NEB: variants seen among roughly 807,000 people sequenced by gnomAD.
The protein encoded by NEB is nebulin.
Under a neutral mutation model 952.2 loss-of-function variants are expected in NEB, and 512 were observed. The ratio of observed to expected loss-of-function variants is 0.54; its 90% CI spans 0.50 to 0.58. The LOEUF (loss-of-function observed/expected upper bound fraction) is 0.58, where lower values mean the gene tolerates loss of function less well. Ranked by LOEUF, NEB falls within the 20% of genes least tolerant of loss-of-function variation. The pLI, the probability that NEB is intolerant of heterozygous loss-of-function variation, is 0.00. For synonymous variants in NEB, 2,900 were observed against 3,149.8 expected (o/e 0.92, Z 2.66); for missense variants, 8,428 against 9,231.1 (o/e 0.91, Z 3.56).
At chr2:151,733,212 C>G (rs1053318230) in intron 2 of NEB, 27 bp from the exon 3 acceptor site, 36 of 1,437,426 alleles carry the variant, frequency 2.5e-5, no homozygotes, top group Non-Finnish European at 3.4e-5. Flanking sequence ...CAAATGAAAA[C>G]ATATTAGAGT....
intron 138 of NEB, among the ~76,000 whole-genome samples, 191 bp downstream of exon 138, chr2:151,540,153 T>G (rs1028511979): frequency 1.4e-4 from 21 of 152,180 alleles, no homozygotes; most frequent in African/African-American, 4.8e-4. Context: ...AGAATAGGCT[T>G]CTGGTATCTC....
Position 151,567,149 on chromosome 2 carries a change from A to G in NEB, c.18156+19T>C. ...TGTACCATGCGTTTCTAGATAATGA[A>G]GAAACAAAAATCACTTACATCACTC... On this transcript the variant is annotated intron_variant, in intron 114 of 181. Transcript: ENST00000397345. 1 of 1,555,134 alleles carries G rather than the reference A, an allele frequency of 6.4e-7. No individual in the cohort carries two copies. The highest frequency in any genetic ancestry group is 1.4e-5 in the African/African-American group (1 of 73,474).
rs563060192 is a variant in NEB at position 151,568,467 on chromosome 2, G to T, written c.17635-50C>A. ...AGGGGGCAAGTTACTTGTTAAGAAA[G>T]CATCATGTTGTCCAAGCAATTGTTA... On this transcript the variant is annotated intron_variant, in intron 111 of 181. Coordinates refer to ENST00000397345, the MANE Select transcript of NEB (RefSeq NM_001164508.2). 10 of 1,536,814 alleles carry T rather than the reference G, an allele frequency of 6.5e-6. No individual in the cohort carries two copies. The South Asian group carries it at 1.0e-4, about 15-fold the overall frequency.
intron 124 of NEB, among the ~76,000 whole-genome samples, chr2:151,559,432 C>G (rs530788800): frequency 6.6e-6 from 1 of 152,168 alleles, no homozygotes; most frequent in African/African-American, 2.4e-5. Context: ...CCAGCAATCC[C>G]ATTACTGGGT....
rs1459846330 is a variant in NEB at position 151,581,518 on chromosome 2, G to C, written c.16249C>G (p.Leu5417Val). 2.6e-6 allele frequency: 3 copies of C among 1,137,092 alleles called. No homozygotes were observed. The Admixed American group carries it at 7.5e-5, about 29-fold the overall frequency. 70.4% of individuals were successfully genotyped at this position (1,137,092 alleles called of 1,614,324 possible). A position where few individuals can be genotyped will look rare whatever the true frequency, so the allele number is the denominator to read the frequency against. ...VNVPADTPLM[L>V]QSKINALQIS... ...TGCAGGGCATTGATTTTGGATTGCA[G>C]CATCAGGGGAGTGTCAGCTGGCACG... is the stretch of plus-strand genomic sequence containing the variant. The change falls in exon 103 of 182, where the codon CTG becomes GTG. Residue 5417 changes from leucine (L) to valine (V), a missense_variant. Transcript: ENST00000397345.
At chr2:151,506,360 T>A in intron 163 of NEB, 102 bp from the exon 164 acceptor site, 1 of 851,532 alleles carries the variant, frequency 1.2e-6, no homozygotes, top group Non-Finnish European at 1.9e-6. Flanking sequence ...AACAAGACAC[T>A]AGACGATGTT....
intron 159 of NEB, 119 bp from the exon 160 acceptor site, chr2:151,513,812 T>C: frequency 1.4e-6 from 1 of 717,244 alleles, no homozygotes; most frequent in Non-Finnish European, 2.4e-6. Context: ...ATAGTGTCGC[T>C]TGCTACTCTT....
At chr2:151,562,047 A>G (rs1474283254) in intron 121 of NEB, 63 bp downstream of exon 121, 1 of 1,347,706 alleles carries the variant, frequency 7.4e-7, no homozygotes, top group African/African-American at 1.4e-5. Flanking sequence ...CCATCAGCCC[A>G]CTGACACCAC....
intron 13 of NEB, among the ~76,000 whole-genome samples, chr2:151,702,178 G>C (rs1170459135): frequency 4.4e-4 from 66 of 149,112 alleles, no homozygotes; most frequent in African/African-American, 1.6e-3. Context: ...GAGCGGTTTT[G>C]AGTGAGATTC....
intron 36 of NEB, among the ~76,000 whole-genome samples, chr2:151,673,844 G>A (rs550600476): frequency 1.3e-5 from 2 of 149,730 alleles, no homozygotes; most frequent in African/African-American, 2.5e-5. Flanking sequence ...CGCCATTCTC[G>A]GGCCTCAGCC....
intron 46 of NEB, among the ~76,000 whole-genome samples, chr2:151,659,568 T>C (rs902944859): frequency 1.3e-5 from 2 of 152,188 alleles, no homozygotes; most frequent in African/African-American, 4.8e-5. Flanking sequence ...TCCAAAGTGC[T>C]AGTATTACAG....
chr2:151,675,467 A>T, intron 34 of NEB, 76 bp from the exon 35 acceptor site: 1 of 946,392 alleles, frequency 1.1e-6, no homozygotes, highest in East Asian at 2.8e-5. Flanking sequence ...TATTTTTAGC[A>T]CAATCACCCA....
At chr2:151,711,363 G>A (rs1393707255) in intron 10 of NEB, among the ~76,000 whole-genome samples, 1 of 152,166 alleles carries the variant, frequency 6.6e-6, no homozygotes, top group African/African-American at 2.4e-5. Context: ...ATAAAAATGT[G>A]TTAACAGACA....
Position 151,494,233 on chromosome 2 carries a change from C to T in NEB, c.24507G>A (p.Val8169=), listed in dbSNP as rs778385532. The T allele has an allele frequency of 1.9e-6, 3 of 1,601,742 alleles. No individual in the cohort carries two copies. The East Asian group carries it at 6.7e-5, about 36-fold the overall frequency. The change falls in exon 174 of 182, where the codon GTG becomes GTA. Residue 8169 remains valine (V), a synonymous_variant. Coordinates refer to ENST00000397345, the MANE Select transcript of NEB (RefSeq NM_001164508.2). The part of the protein sequence containing the change: ...NISSVLYKEN[V]GKATATPVTP... ...TGACAGGGGTTGCGGTGGCTTTCCCCACATTTTCTTTGTACAAAACCTATG... is the reference window on the plus strand; with the variant it reads ...TGACAGGGGTTGCGGTGGCTTTCCCTACATTTTCTTTGTACAAAACCTATG...
chr2:151,489,083 T>A (rs532891421), intron 181 of NEB, among the ~76,000 whole-genome samples: 1 of 152,338 alleles, frequency 6.6e-6, no homozygotes, highest in Admixed American at 6.5e-5. Flanking sequence ...TATATTGGAA[T>A]TGAATGCATT....
intron 107 of NEB, among the ~76,000 whole-genome samples, chr2:151,575,008 G>A (rs2096780915): frequency 6.6e-6 from 1 of 152,088 alleles, no homozygotes; most frequent in African/African-American, 2.4e-5. Flanking sequence ...CCAAAGTACT[G>A]GGATTATAGG....
rs1235500486 is a variant in NEB at position 151,604,650 on chromosome 2, A to C, written c.12969T>G (p.Ile4323Met). Reference sequence around the variant, plus strand: ...ACTGGTGCAGATAATTGCGATAATCAATGTCGCTAACCAGGACCTGGCATT... The same window carrying C: ...ACTGGTGCAGATAATTGCGATAATCCATGTCGCTAACCAGGACCTGGCATT... ...AKKCQVLVSD[I>M]DYRNYLHQWT... is the part of the protein sequence containing the mutation. The change falls in exon 85 of 182, where the codon ATT (isoleucine) becomes ATG (methionine). Residue 4323 changes from isoleucine to methionine, a missense_variant. Around this residue, in one of 11 missense-constraint regions of NEB, gnomAD observed 5 missense variants for 203.8 expected, o/e 0.02. Transcript: ENST00000397345. 3 of 414,480 alleles carry C rather than the reference A, an allele frequency of 7.2e-6. No homozygotes were observed. Among genetic ancestry groups the C allele is most frequent in the African/African-American group, 8.0e-5 (1 of 12,502 alleles). 25.7% of individuals were successfully genotyped at this position (414,480 alleles called of 1,614,324 possible). A position where few individuals can be genotyped will look rare whatever the true frequency, so the allele number is the denominator to read the frequency against.
intron 105 of NEB, among the ~76,000 whole-genome samples, chr2:151,577,052 ATCATACCATTACCAATGCAGAC>A (rs2096892652): frequency 1.3e-5 from 2 of 152,218 alleles, no homozygotes; most frequent in African/African-American, 4.8e-5. Flanking sequence ...TTAGGTTATC[ATCATACCATTACCAATGCAGAC>A]TTTAAAGCAA....
At chr2:151,525,107 A>G in intron 151 of NEB, 56 bp downstream of exon 151, 13 of 1,222,102 alleles carry the variant, frequency 1.1e-5, no homozygotes, top group Admixed American at 1.7e-5. Flanking sequence ...GAATGCACCA[A>G]TCTGGGTTCC....
Sources: gnomAD v4.1 joint callset for allele counts (sites outside exome capture counted in the v4.1 genomes callset) on GRCh38, gnomAD v4.1.1 for gene constraint, gnomAD v4.1.1 regional missense constraint, MANE v1.5 for transcripts, NCBI Gene and HGNC (gene_info 2026-07-23, HGNC 2026-07-21) for gene names.